Variants in CTNNA2 observed in about 807,000 individuals in gnomAD.
CTNNA2 encodes catenin alpha-2.
In CTNNA2, 42 loss-of-function variants were observed where a neutral mutation model predicts 101.0. That is an observed-to-expected ratio of 0.42 (90% CI 0.32 to 0.54). The LOEUF is 0.54. Among genes scored for constraint, CTNNA2 ranks in the 20% least tolerant of loss-of-function variants. The pLI is 0.14. For synonymous variants in CTNNA2, 450 were observed against 456.4 expected, an observed-to-expected ratio of 0.99 and a Z score of 0.18; for missense variants, 871 against 1,223.1, an observed-to-expected ratio of 0.71 and a Z score of 4.29.
intron 2 of CTNNA2, among the ~76,000 whole-genome samples, chr2:79,297,058 T>C (rs543355095): frequency 4.6e-5 from 7 of 152,170 alleles, no homozygotes; most frequent in African/African-American, 1.7e-4. Flanking sequence ...TCATTGATAC[T>C]GATCTCTGCC....
At chr2:80,107,793 G>A (rs1292145761) in intron 7 of CTNNA2, among the ~76,000 whole-genome samples, 2 of 152,166 alleles carry the variant, frequency 1.3e-5, no homozygotes, top group African/African-American at 4.8e-5. Flanking sequence ...TGGGGTTTTG[G>A]GGGTTGCAGA....
intron 9 of CTNNA2, among the ~76,000 whole-genome samples, chr2:80,491,249 G>A (rs1687035598): frequency 6.6e-6 from 1 of 152,158 alleles, no homozygotes; most frequent in Non-Finnish European, 1.5e-5. Context: ...GGTAAAGGAG[G>A]AATTACACGT....
In CTNNA2 at chr2:80,302,260, G is replaced by A. The variant is rs1382585350; in HGVS notation, c.1057-90951G>A. On this transcript the variant is annotated intron_variant, in intron 7 of 18. Coordinates refer to ENST00000402739, the MANE Select transcript of CTNNA2 (RefSeq NM_001282597.3). The surrounding 1 kb of genome is among the most constrained non-coding windows in gnomAD (Gnocchi z 6.4). ...AGAGCCACTGGGACAATCACACCTCGCATTCCCTCGCGGGCTGCTGGTGGC... is the reference window on the plus strand; with the variant it reads ...AGAGCCACTGGGACAATCACACCTCACATTCCCTCGCGGGCTGCTGGTGGC... 6.2e-7 allele frequency: 1 copy of A among 1,612,688 alleles called. No homozygotes were observed. The highest frequency in any genetic ancestry group is 2.2e-5 in the East Asian group (1 of 44,884).
chr2:80,569,683 C>G (rs1573307511), intron 12 of CTNNA2, among the ~76,000 whole-genome samples: 1 of 79,216 alleles, frequency 1.3e-5, no homozygotes, highest in East Asian at 3.4e-4. Flanking sequence ...TGCTCTGTTG[C>G]CCAGGCTGGA....
intron 3 of CTNNA2, among the ~76,000 whole-genome samples, chr2:79,372,771 G>C (rs1025362814): frequency 1.3e-5 from 2 of 152,242 alleles, no homozygotes; most frequent in South Asian, 2.1e-4. Flanking sequence ...AAGGATATAC[G>C]GTATGGCATT....
chr2:80,583,871 T>C (rs1456027276), intron 14 of CTNNA2, among the ~76,000 whole-genome samples: 1 of 152,186 alleles, frequency 6.6e-6, no homozygotes, highest in African/African-American at 2.4e-5. Flanking sequence ...AGAGTTTTTT[T>C]CAGCATGAAT....
chr2:79,790,590 G>A (rs553754303), intron 3 of CTNNA2, among the ~76,000 whole-genome samples: 1 of 152,250 alleles, frequency 6.6e-6, no homozygotes. Flanking sequence ...AATACAATGG[G>A]GTTGTGACTT....
intron 3 of CTNNA2, among the ~76,000 whole-genome samples, chr2:79,340,924 TAA>T (rs1290958936): frequency 2.9e-5 from 4 of 135,932 alleles, no homozygotes; most frequent in Non-Finnish European, 4.8e-5. Flanking sequence ...TTCTTGATAG[TAA>T]AAAAGAAAAA....
chr2:80,490,204 A>C (rs1354033745), intron 9 of CTNNA2, among the ~76,000 whole-genome samples: 1 of 151,936 alleles, frequency 6.6e-6, no homozygotes, highest in Admixed American at 6.6e-5. Context: ...AAATTGTGTA[A>C]ATTATTTGAA....
At chr2:79,888,190 T>C (rs1684035191) in intron 6 of CTNNA2, among the ~76,000 whole-genome samples, 3 of 152,130 alleles carry the variant, frequency 2.0e-5, no homozygotes, top group South Asian at 4.1e-4. Flanking sequence ...ATGCAATACA[T>C]GTGAGCTTAT....
At chr2:79,800,712 C>T (rs141537048) in intron 3 of CTNNA2, among the ~76,000 whole-genome samples, 1 of 152,102 alleles carries the variant, frequency 6.6e-6, no homozygotes, top group Non-Finnish European at 1.5e-5. Context: ...AAAATTTAGG[C>T]AGGAGCAGAA....
At chr2:79,669,492 G>A (rs187928531) in intron 2 of CTNNA2, among the ~76,000 whole-genome samples, 1 of 152,150 alleles carries the variant, frequency 6.6e-6, no homozygotes, top group Non-Finnish European at 1.5e-5. Flanking sequence ...ACAATTGAAG[G>A]GTGAAGAAGA....
At position 79,659,267 on chromosome 2, in the gene CTNNA2, A is replaced by G. The variant is rs187041283; in HGVS notation, c.102+7609A>G. Among the ~76,000 whole-genome samples, 282 of 151,534 alleles carry G rather than the reference A, an allele frequency of 1.9e-3. 1 individual carries two copies. Among genetic ancestry groups the G allele is most frequent in the African/African-American group, 6.5e-3 (269 of 41,320 alleles). On this transcript the variant is annotated intron_variant, in intron 2 of 18. Transcript: ENST00000402739. ...TACACTTTCTTATAGAATTTACAAA[A>G]TATAGCATTTTATGCAAGAATTTAC...
chr2:79,260,295 G>A (rs1486319264), intron 2 of CTNNA2, among the ~76,000 whole-genome samples: 35 of 152,100 alleles, frequency 2.3e-4, no homozygotes, highest in Admixed American at 2.3e-3. Context: ...ACAGAATGAA[G>A]CAAATCTGTG....
At chr2:79,382,201 G>C (rs1678047252) in intron 4 of CTNNA2, among the ~76,000 whole-genome samples, 1 of 151,852 alleles carries the variant, frequency 6.6e-6, no homozygotes, top group Admixed American at 6.6e-5. Flanking sequence ...CTAGTACTCA[G>C]GCCTTCAGAC....
At chr2:79,391,392 G>A (rs1166329870) in intron 4 of CTNNA2, among the ~76,000 whole-genome samples, 1 of 151,978 alleles carries the variant, frequency 6.6e-6, no homozygotes, top group Non-Finnish European at 1.5e-5. Flanking sequence ...TTTCTTAATA[G>A]CAGTTTGTTT....
At chr2:80,285,521 C>G (rs1674687371) in intron 7 of CTNNA2, among the ~76,000 whole-genome samples, 2 of 152,134 alleles carry the variant, frequency 1.3e-5, no homozygotes, top group Non-Finnish European at 1.5e-5. Context: ...TCCAGGGGAT[C>G]CATGGAGAGG....
chr2:79,262,504 A>G (rs1365676480), intron 2 of CTNNA2, among the ~76,000 whole-genome samples: 1 of 152,174 alleles, frequency 6.6e-6, no homozygotes, highest in Non-Finnish European at 1.5e-5. Context: ...TATTATTCTT[A>G]AAACTAGAAA....
chr2:79,596,043 C>A (rs751765711), intron 1 of CTNNA2, among the ~76,000 whole-genome samples: 2 of 151,654 alleles, frequency 1.3e-5, no homozygotes, highest in Non-Finnish European at 2.9e-5. Context: ...CCAGACCTGG[C>A]CCAATTGCTC....
Sources: allele counts gnomAD v4.1 joint callset (sites outside exome capture counted in the v4.1 genomes callset), GRCh38; gene constraint gnomAD v4.1.1; non-coding constraint Gnocchi (gnomAD v3.1); transcripts MANE v1.5; gene names NCBI Gene and HGNC (gene_info 2026-07-23, HGNC 2026-07-21).